ZNF324B: variants seen among roughly 807,000 people sequenced by gnomAD.
ZNF324B encodes zinc finger protein 324B.
ZNF324B carries 7 observed loss-of-function variants against 10.6 expected under a neutral mutation model. The ratio of observed to expected loss-of-function variants is 0.66; its 90% CI spans 0.38 to 1.24. ZNF324B has a LOEUF of 1.24. ZNF324B is among the 50% of genes most tolerant of loss of function. The probability of loss-of-function intolerance (pLI) is 0.02; values close to 1 mark genes in which losing one functional copy is unlikely to be tolerated. For synonymous variants in ZNF324B, 316 were observed against 321.0 expected, an observed-to-expected ratio of 0.98 and a Z score of 0.17; for missense variants, 640 against 764.7, an observed-to-expected ratio of 0.84 and a Z score of 1.92.
chr19:58,448,956 C>T (rs555229840), upstream of ZNF324B, among the ~76,000 whole-genome samples: 190 of 152,282 alleles, frequency 1.2e-3, no homozygotes, highest in African/African-American at 4.3e-3. Context: ...GTTAATCGCC[C>T]GGACAATGGG....
At chr19:58,435,360 G>A in the ZNF324B span, 1 of 865,472 alleles carries the variant, frequency 1.2e-6, no homozygotes, top group East Asian at 2.7e-5. Context: ...GTGAAGAAGG[G>A]CCCATTACTA....
At chr19:58,433,775 T>G in the ZNF324B span, 1 of 1,613,888 alleles carries the variant, frequency 6.2e-7, no homozygotes, top group Non-Finnish European at 8.5e-7. Flanking sequence ...TCAATGAGAG[T>G]GGAGCTGTGA....
chr19:58,456,152 G>A lies in ZNF324B; in HGVS notation c.1208G>A (p.Gly403Asp). 6.2e-7 allele frequency: 1 copy of A among 1,613,406 alleles called. No homozygotes were observed. The highest frequency in any genetic ancestry group is 8.5e-7 in the Non-Finnish European group (1 of 1,179,824). ...AAGCCCTTCGTATGCGCGCTCTGCGGTGCTGCCTTCAGCCAGGGCTCCTCG... is the reference window on the plus strand; with the variant it reads ...AAGCCCTTCGTATGCGCGCTCTGCGATGCTGCCTTCAGCCAGGGCTCCTCG... ...GEKPFVCALC[G>D]AAFSQGSSLF... is the part of the protein sequence containing the mutation. The change falls in exon 4 of 4, where the codon GGT (glycine) becomes GAT (aspartate). Residue 403 changes from glycine to aspartate, a missense_variant. Gly to Asp is a moderately conservative substitution (Grantham distance 94). This residue lies in a region of ZNF324B where 238 missense variants were observed against 258.0 expected (regional missense o/e 0.92). Transcript: ENST00000336614. This position sits in a 1 kb window ranked among gnomAD's most constrained non-coding sequence, Gnocchi z 4.7.
chr19:58,439,711 G>A, the ZNF324B span: 2 of 1,488,432 alleles, frequency 1.3e-6, no homozygotes, highest in African/African-American at 1.5e-5. Context: ...TCAGGATCCT[G>A]AGGGCCGGAA....
At chr19:58,454,134 ACTGT>A (rs1306557374) in intron 2 of ZNF324B, 90 bp from the exon 3 acceptor site, 52 of 827,474 alleles carry the variant, frequency 6.3e-5, no homozygotes, top group African/African-American at 1.7e-5. Context: ...TGCACAGATT[ACTGT>A]CTATTTCCAT....
chr19:58,420,906 A>G, the ZNF324B span, among the ~76,000 whole-genome samples: 2 of 151,476 alleles, frequency 1.3e-5, no homozygotes, highest in African/African-American at 4.8e-5. Context: ...GGGTTTCACC[A>G]TGCTGGCCAG....
At position 58,453,817 on chromosome 19, in the gene ZNF324B, C is replaced by T. The variant is rs1341749326; in HGVS notation, c.116C>T (p.Ser39Leu). 1.2e-6 allele frequency: 2 copies of T among 1,613,790 alleles called. No individual in the cohort carries two copies. The highest frequency in any genetic ancestry group is 2.2e-5 in the East Asian group (1 of 44,884). ...VMLENFTLVTSLGLSTSRPRV... is the reference protein window; with the variant it reads ...VMLENFTLVTLLGLSTSRPRV... ...CTGGAAAACTTCACACTTGTGACCT[C>T]ACTTGGTAAGGCCCTGGGTGCTCCA... is the stretch of plus-strand genomic sequence containing the variant. Residue 39 changes from serine (S) to leucine (L), a missense_variant, in exon 2 of 4, where the codon TCA becomes TTA. By Grantham distance (145) the Ser-to-Leu change is moderately radical. Transcript: ENST00000336614.
the ZNF324B span, among the ~76,000 whole-genome samples, chr19:58,439,116 T>A: frequency 6.6e-6 from 1 of 152,136 alleles, no homozygotes; most frequent in Non-Finnish European, 1.5e-5. Context: ...CTGTCCCACA[T>A]CAGGTAATCC....
Position 58,455,153 on chromosome 19 carries a change from C to T in ZNF324B, c.239-30C>T, listed in dbSNP as rs915325424. The T allele has an allele frequency of 9.3e-6, 15 of 1,613,100 alleles. No homozygotes were observed. The highest frequency in any genetic ancestry group is 1.1e-5 in the Non-Finnish European group (13 of 1,179,960). ...CCTGGTCCTCTCCTAACCAGGATGC[C>T]CCAGGCAACCACCGTTTCTCTGCGT... On this transcript the variant is annotated intron_variant, in intron 3 of 3. Coordinates refer to ENST00000336614, the MANE Select transcript of ZNF324B (RefSeq NM_207395.3). The surrounding 1 kb of genome is among the most constrained non-coding windows in gnomAD (Gnocchi z 7.0).
chr19:58,451,938 C>T (rs1312797126), intron 1 of ZNF324B, among the ~76,000 whole-genome samples: 2 of 152,340 alleles, frequency 1.3e-5, no homozygotes, highest in Non-Finnish European at 2.9e-5. Flanking sequence ...CCATGCCTTT[C>T]TTCCCTCCCA....
the ZNF324B span, among the ~76,000 whole-genome samples, chr19:58,421,872 C>T: frequency 6.6e-6 from 1 of 152,060 alleles, no homozygotes; most frequent in Non-Finnish European, 1.5e-5. Flanking sequence ...TATGTTAATC[C>T]TCCCAAAGTT....
At chr19:58,440,235 C>T in the ZNF324B span, 3 of 254,352 alleles carry the variant, frequency 1.2e-5, no homozygotes, top group Non-Finnish European at 7.7e-6. Flanking sequence ...GGATCCCCGC[C>T]GTCTATGACG....
the ZNF324B span, among the ~76,000 whole-genome samples, chr19:58,419,491 C>G: frequency 6.6e-6 from 1 of 152,216 alleles, no homozygotes; most frequent in Middle Eastern, 3.2e-3. Context: ...AATGTTCCAG[C>G]AACTGAGGTT....
At chr19:58,441,719 G>C in the ZNF324B span, 1 of 152,400 alleles carries the variant, frequency 6.6e-6, no homozygotes, top group African/African-American at 2.4e-5. Flanking sequence ...GCCTGGCCCA[G>C]TGAACGGCCT....
chr19:58,433,867 C>T, the ZNF324B span: 17 of 1,614,062 alleles, frequency 1.1e-5, no homozygotes, highest in Middle Eastern at 1.6e-4. Flanking sequence ...GCTGGAGCTG[C>T]GGCTGAAGGA....
At chr19:58,454,167 C>CT (rs1242072575) in intron 2 of ZNF324B, 61 bp from the exon 3 acceptor site, 87 of 1,097,348 alleles carry the variant, frequency 7.9e-5, no homozygotes, top group Non-Finnish European at 1.1e-4. Flanking sequence ...GACTCCTGCT[C>CT]TCTGTTGGGA....
At chr19:58,426,296 C>T in the ZNF324B span, among the ~76,000 whole-genome samples, 6 of 152,094 alleles carry the variant, frequency 3.9e-5, no homozygotes, top group Non-Finnish European at 7.4e-5. Flanking sequence ...GTCTGCCATC[C>T]GTGTATAATG....
the ZNF324B span, chr19:58,432,302 T>C: frequency 1.9e-6 from 1 of 518,206 alleles, no homozygotes; most frequent in South Asian, 1.4e-5. Context: ...TTTATCTGCT[T>C]TAACTGTGGC....
Position 58,454,526 on chromosome 19 carries a change from A to G in ZNF324B, c.238+182A>G, listed in dbSNP as rs141522296. ...AGGTGCCCTTGAAGGGAGAGCTCCA[A>G]GGGCACAGGAGCTGGGTTCACACAG... On this transcript the variant is annotated intron_variant, in intron 3 of 3. Coordinates refer to ENST00000336614, the MANE Select transcript of ZNF324B (RefSeq NM_207395.3). 2.2e-3 allele frequency: 1,295 copies of G among 596,466 alleles called. 16 individuals are homozygous for G. In the African/African-American group the frequency reaches 0.022, roughly 10 times the overall value. The allele number at this position is 596,466 out of a possible 1,614,324, so 36.9% of individuals were successfully genotyped here.
Sources: gnomAD v4.1 joint callset for allele counts (sites outside exome capture counted in the v4.1 genomes callset) on GRCh38, gnomAD v4.1.1 for gene constraint, gnomAD v4.1.1 regional missense constraint, Gnocchi (gnomAD v3.1) non-coding constraint, MANE v1.5 for transcripts, NCBI Gene and HGNC (gene_info 2026-07-23, HGNC 2026-07-21) for gene names.